The following CACNA2D1 variants were observed in gnomAD, a reference collection of about 807,000 sequenced individuals.
CACNA2D1 encodes the protein calcium voltage-gated channel auxiliary subunit alpha2delta 1, also known as voltage-dependent calcium channel subunit alpha-2/delta-1.
A neutral mutation model predicts 171.5 loss-of-function variants in CACNA2D1; 53 were observed. The ratio of observed to expected loss-of-function variants is 0.31; its 90% CI spans 0.25 to 0.39. The LOEUF is 0.39. Ranked by LOEUF, CACNA2D1 falls within the 10% of genes least tolerant of loss-of-function variation. CACNA2D1 has a pLI of 1.00. For synonymous variants in CACNA2D1, 442 were observed against 443.1 expected, an observed-to-expected ratio of 1.00 and a Z score of 0.03; for missense variants, 903 against 1,299.8, an observed-to-expected ratio of 0.69 and a Z score of 4.69.
At chr7:82,197,193 G>GCACAAT (rs1798938573) in intron 3 of CACNA2D1, among the ~76,000 whole-genome samples, 1 of 151,740 alleles carries the variant, frequency 6.6e-6, no homozygotes, top group Non-Finnish European at 1.5e-5. Context: ...ACTTAATTAG[G>GCACAAT]AACATTGTTA....
intron 3 of CACNA2D1, among the ~76,000 whole-genome samples, chr7:82,171,266 G>T (rs746217500): frequency 4.6e-5 from 7 of 152,062 alleles, no homozygotes; most frequent in Non-Finnish European, 1.0e-4. Context: ...ATTAAGTTCA[G>T]TGGGAGATGA....
At chr7:82,320,578 A>ATTT (rs1187859762) in intron 3 of CACNA2D1, among the ~76,000 whole-genome samples, 7,542 of 128,622 alleles carry the variant, frequency 0.059, 271 homozygotes, top group Middle Eastern at 0.093. Context: ...CACTTGGCTA[A>ATTT]TTTTTTTTTT....
chr7:82,230,502 G>T (rs1802816372), intron 3 of CACNA2D1, among the ~76,000 whole-genome samples: 1 of 152,190 alleles, frequency 6.6e-6, no homozygotes, highest in East Asian at 1.9e-4. Context: ...ATCTAAGACT[G>T]CATATGTTTC....
At chr7:82,176,722 T>C (rs1488359527) in intron 3 of CACNA2D1, among the ~76,000 whole-genome samples, 1 of 151,556 alleles carries the variant, frequency 6.6e-6, no homozygotes, top group East Asian at 1.9e-4. Context: ...GCCTAGTGTG[T>C]TTGCTTCTAT....
rs965520280 is a variant in CACNA2D1, at chr7:82,136,638, G to C, written c.393C>G (p.Leu131=). 25 of 1,587,328 alleles carry C rather than the reference G, an allele frequency of 1.6e-5. No individual in the cohort carries two copies. Among genetic ancestry groups the C allele is most frequent in the Non-Finnish European group, 2.1e-5 (25 of 1,164,140 alleles). ...EVVYYNAKDD[L]DPEKNDSEPG... ...ATGGAAAACATTTAATACTCACATCGAGATCATCCTTTGCATTGTAGTAGA... is the reference window on the plus strand; with the variant it reads ...ATGGAAAACATTTAATACTCACATCCAGATCATCCTTTGCATTGTAGTAGA... Residue 131 remains leucine (L), a synonymous_variant, in exon 5 of 39, where the codon CTC becomes CTG. Transcript: ENST00000356860.
intron 38 of CACNA2D1, among the ~76,000 whole-genome samples, chr7:81,956,611 T>C (rs1249334296): frequency 1.3e-5 from 2 of 152,098 alleles, no homozygotes; most frequent in Non-Finnish European, 2.9e-5. Context: ...AAACTATTCT[T>C]TTATTATGCC....
At position 82,038,057 on chromosome 7, in the gene CACNA2D1, A is replaced by C. The variant is rs1803522925; in HGVS notation, c.1038+20T>G. ...ACAATTGAACAACAACAACAACAAA[A>C]GACATAGCATGATACTTACATTAAG... On this transcript the variant is annotated intron_variant, in intron 11 of 38. Transcript: ENST00000356860. 1 of 1,610,892 alleles carries C rather than the reference A, an allele frequency of 6.2e-7. No individual in the cohort carries two copies. The highest frequency in any genetic ancestry group is 1.7e-5 in the Admixed American group (1 of 60,016).
chr7:82,237,983 AT>A (rs140667797), intron 3 of CACNA2D1, among the ~76,000 whole-genome samples: 5,930 of 151,962 alleles, frequency 0.039, 274 homozygotes, highest in East Asian at 0.11. Flanking sequence ...GTTACACAAT[AT>A]TTTTTTCCAC....
chr7:82,178,797 C>T (rs1443655600), intron 3 of CACNA2D1, among the ~76,000 whole-genome samples: 1 of 152,112 alleles, frequency 6.6e-6, no homozygotes, highest in Non-Finnish European at 1.5e-5. Context: ...TCATGCTATA[C>T]TCAATTCGCC....
At chr7:82,035,168 C>T (rs1214066845) in intron 11 of CACNA2D1, among the ~76,000 whole-genome samples, 1 of 151,896 alleles carries the variant, frequency 6.6e-6, no homozygotes, top group Non-Finnish European at 1.5e-5. Context: ...AGCACAGCAT[C>T]TATCATATAT....
intron 3 of CACNA2D1, among the ~76,000 whole-genome samples, chr7:82,204,618 C>T (rs1364822195): frequency 6.6e-6 from 1 of 152,132 alleles, no homozygotes; most frequent in South Asian, 2.1e-4. Flanking sequence ...CATCTCCTCA[C>T]TAGAAAAACT....
At chr7:82,200,632 T>C (rs1018834877) in intron 3 of CACNA2D1, among the ~76,000 whole-genome samples, 9 of 152,222 alleles carry the variant, frequency 5.9e-5, no homozygotes, top group African/African-American at 2.2e-4. Flanking sequence ...TATAATCCTT[T>C]ACTTTGATCC....
At chr7:82,403,634 A>T (rs980678194) in intron 1 of CACNA2D1, among the ~76,000 whole-genome samples, 8 of 152,332 alleles carry the variant, frequency 5.3e-5, no homozygotes, top group African/African-American at 1.7e-4. Flanking sequence ...TCTTTCTAGA[A>T]GCACTTGGGT....
intron 1 of CACNA2D1, among the ~76,000 whole-genome samples, chr7:82,372,923 G>A (rs1427244373): frequency 6.6e-6 from 1 of 152,178 alleles, no homozygotes; most frequent in East Asian, 1.9e-4. Context: ...GGTGGCTCAT[G>A]CCTATAATCC....
intron 3 of CACNA2D1, among the ~76,000 whole-genome samples, chr7:82,217,358 A>T (rs61572570): frequency 0.083 from 10,845 of 130,062 alleles, 585 homozygotes; most frequent in Admixed American, 0.15. Flanking sequence ...TTAAAAAAAA[A>T]ATATATATAT....
intron 3 of CACNA2D1, among the ~76,000 whole-genome samples, chr7:82,249,922 T>C (rs1428940534): frequency 6.6e-6 from 1 of 152,232 alleles, no homozygotes; most frequent in Admixed American, 6.5e-5. Context: ...GTCCATTTTC[T>C]GCTGCTATAT....
intron 3 of CACNA2D1, among the ~76,000 whole-genome samples, chr7:82,239,710 AAATGTCTCTTTTTTTCATTAGATT>A (rs1004329426): frequency 1.8e-4 from 27 of 152,260 alleles, no homozygotes; most frequent in African/African-American, 6.5e-4. Context: ...CATGTAGCCT[AAATGTCTCTTTTTTTCATTAGATT>A]AGGAGTCAAC....
intron 25 of CACNA2D1, among the ~76,000 whole-genome samples, chr7:81,973,657 T>C (rs535498215): frequency 1.2e-3 from 176 of 152,210 alleles, no homozygotes; most frequent in African/African-American, 4.2e-3. Context: ...GTACTTATTC[T>C]TTTTTCAAAT....
chr7:82,386,860 C>T (rs2129450081), intron 1 of CACNA2D1, among the ~76,000 whole-genome samples: 1 of 151,724 alleles, frequency 6.6e-6, no homozygotes, highest in Non-Finnish European at 1.5e-5. Flanking sequence ...CATTTAAAGA[C>T]TCTATATGCA....
Sources: allele counts gnomAD v4.1 joint callset (sites outside exome capture counted in the v4.1 genomes callset), GRCh38; gene constraint gnomAD v4.1.1; transcripts MANE v1.5; gene names NCBI Gene and HGNC (gene_info 2026-07-23, HGNC 2026-07-21).